The following TAFA2 variants were observed in gnomAD, a reference collection of about 807,000 sequenced individuals.
TAFA2 encodes TAFA chemokine like family member 2.
A neutral mutation model predicts 18.8 loss-of-function variants in TAFA2; 7 were observed. The ratio of observed to expected loss-of-function variants is 0.37; its 90% CI spans 0.21 to 0.70. TAFA2 has a LOEUF of 0.70. Ranked by LOEUF, TAFA2 falls within the 30% of genes least tolerant of loss-of-function variation. TAFA2 has a pLI of 0.53. For synonymous variants in TAFA2, 60 were observed against 54.2 expected, an observed-to-expected ratio of 1.11 and a Z score of -0.47; for missense variants, 122 against 158.1, an observed-to-expected ratio of 0.77 and a Z score of 1.23.
intron 1 of TAFA2, among the ~76,000 whole-genome samples, chr12:62,142,360 C>G (rs2062246188): frequency 1.3e-5 from 2 of 152,148 alleles, no homozygotes; most frequent in Non-Finnish European, 2.9e-5. Context: ...AGAAAACTGA[C>G]TAGGACAGTG....
chr12:61,799,763 A>C (rs558608595), intron 2 of TAFA2, among the ~76,000 whole-genome samples: 53 of 152,272 alleles, frequency 3.5e-4, no homozygotes, highest in African/African-American at 1.3e-3. Context: ...CGGAGCTTGC[A>C]GTGAGCCGAG....
intron 1 of TAFA2, among the ~76,000 whole-genome samples, chr12:62,035,143 G>A (rs901518560): frequency 2.6e-5 from 4 of 152,138 alleles, no homozygotes; most frequent in Non-Finnish European, 5.9e-5. Flanking sequence ...AATAGTTGAT[G>A]GGTCTAATTC....
intron 1 of TAFA2, among the ~76,000 whole-genome samples, chr12:62,116,953 T>C (rs1869989106): frequency 1.3e-5 from 2 of 152,126 alleles, no homozygotes; most frequent in Non-Finnish European, 2.9e-5. Context: ...CCATGACTGG[T>C]ATCCTTAAAA....
At chr12:62,028,361 C>A (rs1210669519) in intron 1 of TAFA2, among the ~76,000 whole-genome samples, 1 of 152,142 alleles carries the variant, frequency 6.6e-6, no homozygotes, top group Non-Finnish European at 1.5e-5. Context: ...TGAGTTCCCA[C>A]TTCCTCCTCT....
intron 1 of TAFA2, among the ~76,000 whole-genome samples, chr12:61,931,073 C>A (rs151303009): frequency 2.2e-3 from 332 of 152,260 alleles, no homozygotes; most frequent in Middle Eastern, 0.01. Context: ...AAAGAAATTG[C>A]GCTGTTCAAG....
chr12:61,733,223 A>G (rs561067489), intron 4 of TAFA2, among the ~76,000 whole-genome samples: 51 of 151,960 alleles, frequency 3.4e-4, no homozygotes, highest in African/African-American at 1.2e-3. Context: ...TTTGTAGGTT[A>G]CCTGTTCACT....
At chr12:62,240,647 T>C (rs2062858511) in intron 1 of TAFA2, among the ~76,000 whole-genome samples, 3 of 152,180 alleles carry the variant, frequency 2.0e-5, no homozygotes, top group Admixed American at 1.3e-4. Context: ...TTTATTCAAA[T>C]TTTGGCATCT....
intron 1 of TAFA2, among the ~76,000 whole-genome samples, chr12:62,168,945 TACACACACACACAC>T (rs147184565): frequency 6.7e-6 from 1 of 148,836 alleles, no homozygotes; most frequent in Non-Finnish European, 1.5e-5. Context: ...ACTCACTCTC[TACACACACACACAC>T]ACACACACAC....
chr12:61,970,070 T>G (rs1452949554), intron 1 of TAFA2, among the ~76,000 whole-genome samples: 1 of 151,596 alleles, frequency 6.6e-6, no homozygotes, highest in Non-Finnish European at 1.5e-5. Context: ...CTGAGGATAT[T>G]TTTACCCTGC....
At chr12:62,033,255 C>A (rs1881508542) in intron 1 of TAFA2, among the ~76,000 whole-genome samples, 1 of 152,118 alleles carries the variant, frequency 6.6e-6, no homozygotes. Flanking sequence ...CATTATGGGG[C>A]TTTTTCATGA....
chr12:62,028,001 G>T (rs545565984), intron 1 of TAFA2, among the ~76,000 whole-genome samples: 1 of 152,242 alleles, frequency 6.6e-6, no homozygotes, highest in East Asian at 1.9e-4. Context: ...TGAATCTCCA[G>T]TCTAGGTCTT....
intron 2 of TAFA2, among the ~76,000 whole-genome samples, chr12:61,772,330 A>G (rs1340916337): frequency 1.3e-5 from 2 of 152,010 alleles, no homozygotes; most frequent in Non-Finnish European, 2.9e-5. Flanking sequence ...CCCTATTCAC[A>G]CTATTCCAAA....
intron 1 of TAFA2, among the ~76,000 whole-genome samples, chr12:61,944,096 C>T (rs1333521042): frequency 1.5e-5 from 2 of 129,532 alleles, no homozygotes; most frequent in Non-Finnish European, 3.2e-5. Context: ...GAAATTATAA[C>T]AAACTATCTC....
Position 62,005,185 on chromosome 12 carries a change from A to T in TAFA2, c.-1-137759T>A, listed in dbSNP as rs193166455. ...GCTAGAAGAGTAGAGTTTAGGTGTT[A>T]CCACCAAAGAAAGATAACTATGTGA... On this transcript the variant is annotated intron_variant, in intron 1 of 4. Transcript: ENST00000416284. Among the ~76,000 whole-genome samples, 119 of 152,252 alleles carry T rather than the reference A, an allele frequency of 7.8e-4. 1 individual carries two copies. Among genetic ancestry groups the T allele is most frequent in the African/African-American group, 2.8e-3 (117 of 41,582 alleles).
rs578214797 is a variant in TAFA2 at position 62,230,072 on chromosome 12, T to A, written c.-130+28691A>T. Among the ~76,000 whole-genome samples the A allele has an allele frequency of 2.0e-5, 3 of 152,276 alleles. No individual in the cohort carries two copies. In the South Asian group the frequency reaches 6.2e-4, roughly 32 times the overall value. The stretch of plus-strand genomic sequence containing the variant: ...TTGCATTTCTGTGGCTATGTGGTTA[T>A]GTTCCCCTTTTCATTTCTGATTTTA... On this transcript the variant is annotated intron_variant, in intron 1 of 5. Transcript: ENST00000551619.
chr12:62,103,105 T>C (rs1487935744), intron 1 of TAFA2, among the ~76,000 whole-genome samples: 1 of 152,176 alleles, frequency 6.6e-6, no homozygotes, highest in Non-Finnish European at 1.5e-5. Flanking sequence ...CTCAGAAAAG[T>C]TGAAGAAAAG....
intron 1 of TAFA2, among the ~76,000 whole-genome samples, chr12:62,006,079 A>C (rs1880540227): frequency 1.3e-5 from 2 of 152,156 alleles, no homozygotes; most frequent in Admixed American, 1.3e-4. Context: ...AATTTATTAA[A>C]ACTACTTCAA....
At chr12:62,028,946 C>T (rs1258533459) in intron 1 of TAFA2, among the ~76,000 whole-genome samples, 2 of 152,102 alleles carry the variant, frequency 1.3e-5, no homozygotes, top group African/African-American at 4.8e-5. Context: ...TATGCTACCA[C>T]AGCATAATTA....
At chr12:62,199,387 G>A (rs941687854) in intron 1 of TAFA2, among the ~76,000 whole-genome samples, 1 of 152,114 alleles carries the variant, frequency 6.6e-6, no homozygotes. Flanking sequence ...AGGCCCCTGT[G>A]TGTGTTGTTT....
Sources: gnomAD v4.1 joint callset for allele counts (sites outside exome capture counted in the v4.1 genomes callset) on GRCh38, gnomAD v4.1.1 for gene constraint, MANE v1.5 for transcripts, NCBI Gene and HGNC (gene_info 2026-07-23, HGNC 2026-07-21) for gene names.